SLC2A9: variants seen among roughly 807,000 people sequenced by gnomAD.
SLC2A9 encodes the protein solute carrier family 2 member 9.
SLC2A9 carries 39 observed loss-of-function variants against 50.6 expected under a neutral mutation model. The observed-to-expected ratio is 0.77, with a 90% CI of 0.60 to 1.01. SLC2A9 has a LOEUF of 1.01. Among genes scored for constraint, SLC2A9 ranks in the 50% least tolerant of loss-of-function variants. The pLI, the probability that SLC2A9 is intolerant of heterozygous loss-of-function variation, is 0.00. For missense variants in SLC2A9, 686 were observed against 677.6 expected (o/e 1.01, Z -0.14); for synonymous variants, 324 against 276.9 (o/e 1.17, Z -1.69).
intron 3 of SLC2A9, among the ~76,000 whole-genome samples, chr4:9,787,568 CTCTCA>C (rs990665020): frequency 3.9e-5 from 6 of 152,322 alleles, no homozygotes; most frequent in Non-Finnish European, 5.9e-5. Flanking sequence ...ACAGGGAATT[CTCTCA>C]TCTCATCTAC....
intron 6 of SLC2A9, among the ~76,000 whole-genome samples, chr4:9,921,036 G>A (rs929099475): frequency 6.6e-6 from 1 of 152,186 alleles, no homozygotes; most frequent in African/African-American, 2.4e-5. Flanking sequence ...CTGTTTGCCT[G>A]GCTCATGAGT....
intron 11 of SLC2A9, among the ~76,000 whole-genome samples, chr4:9,832,817 C>T (rs186527814): frequency 6.6e-6 from 1 of 152,260 alleles, no homozygotes; most frequent in East Asian, 1.9e-4. Context: ...AGCGGTGGAG[C>T]ACTCTGGGCA....
intron 5 of SLC2A9, among the ~76,000 whole-genome samples, chr4:9,965,003 A>C (rs1638885182): frequency 6.6e-6 from 1 of 152,244 alleles, no homozygotes; most frequent in Admixed American, 6.5e-5. Context: ...ATCTTTTCTA[A>C]GTACTGCCAC....
At chr4:10,006,618 G>C (rs13117275) in intron 2 of SLC2A9, 9,434 of 152,140 alleles carry the variant, frequency 0.062, 627 homozygotes, top group East Asian at 0.39. Flanking sequence ...GGCTCCCCGA[G>C]GTAAGGCCTC....
chr4:9,931,956 CTCTCTCTATA>C (rs1426130337), intron 6 of SLC2A9, among the ~76,000 whole-genome samples: 1 of 43,312 alleles, frequency 2.3e-5, no homozygotes, highest in African/African-American at 1.2e-4. Context: ...CTCTCTCTCT[CTCTCTCTATA>C]TATATATATA....
At chr4:9,941,204 C>T (rs1334696088) in intron 6 of SLC2A9, among the ~76,000 whole-genome samples, 2 of 152,158 alleles carry the variant, frequency 1.3e-5, no homozygotes, top group Non-Finnish European at 2.9e-5. Flanking sequence ...TATCTCTAGG[C>T]AACATAATTT....
intron 5 of SLC2A9, among the ~76,000 whole-genome samples, chr4:9,975,800 T>C (rs1578152306): frequency 6.6e-6 from 1 of 152,254 alleles, no homozygotes; most frequent in Non-Finnish European, 1.5e-5. Context: ...TGCACTCATA[T>C]GTTCATGGCA....
intron 2 of SLC2A9, among the ~76,000 whole-genome samples, chr4:9,998,191 G>C (rs1759072581): frequency 6.6e-6 from 1 of 152,178 alleles, no homozygotes; most frequent in Non-Finnish European, 1.5e-5. Context: ...ATGGCACTAA[G>C]CTCCAAACAG....
chr4:9,996,026 A>G (rs536855041), intron 3 of SLC2A9: 1 of 152,836 alleles, frequency 6.5e-6, no homozygotes, highest in South Asian at 2.1e-4. Flanking sequence ...GGATTCATTG[A>G]TAAGTCAATC....
At chr4:9,925,130 A>G (rs1327960366) in intron 6 of SLC2A9, among the ~76,000 whole-genome samples, 1 of 152,134 alleles carries the variant, frequency 6.6e-6, no homozygotes, top group African/African-American at 2.4e-5. Context: ...CTCGTCCTCC[A>G]TTCCACATAC....
intron 10 of SLC2A9, chr4:9,880,686 A>C (rs1185426336): frequency 2.4e-6 from 1 of 415,244 alleles, no homozygotes; most frequent in Non-Finnish European, 3.2e-6. Flanking sequence ...TACAATGCTG[A>C]CATTTACCGT....
chr4:9,836,861 G>T (rs1727194942), intron 10 of SLC2A9, among the ~76,000 whole-genome samples: 1 of 152,166 alleles, frequency 6.6e-6, no homozygotes, highest in Non-Finnish European at 1.5e-5. Context: ...GAAAGGAAGG[G>T]TCTGAATTTG....
chr4:9,954,289 C>T (rs1241905009), intron 5 of SLC2A9, among the ~76,000 whole-genome samples: 1 of 152,276 alleles, frequency 6.6e-6, no homozygotes. Context: ...GTTACCATTT[C>T]ACACAGCCCA....
chr4:9,800,731 T>A (rs76685428), intron 3 of SLC2A9, among the ~76,000 whole-genome samples: 53 of 152,200 alleles, frequency 3.5e-4, no homozygotes, highest in Non-Finnish European at 6.3e-4. Context: ...TATTTACACA[T>A]AGCATTTACA....
Position 10,038,606 on chromosome 4 carries a change from A to T in SLC2A9, c.-41+1524T>A, listed in dbSNP as rs564398195. Among the ~76,000 whole-genome samples, 23 of 152,274 alleles carry T rather than the reference A, an allele frequency of 1.5e-4. No individual in the cohort carries two copies. In the South Asian group the frequency reaches 4.8e-3, roughly 32 times the overall value. On this transcript the variant is annotated intron_variant, in intron 1 of 12. Transcript: ENST00000309065. ...TCTATCACTTGGATTCTTCCATTAA[A>T]ATAGATTTCAATCAATGGAACTACT...
chr4:9,820,963 T>C (rs951304553), intron 3 of SLC2A9, among the ~76,000 whole-genome samples: 4 of 152,224 alleles, frequency 2.6e-5, no homozygotes, highest in African/African-American at 9.6e-5. Context: ...TCCAGTATGA[T>C]AGTGAATAGA....
intron 6 of SLC2A9, among the ~76,000 whole-genome samples, chr4:9,938,244 A>G (rs976759661): frequency 6.6e-6 from 1 of 151,498 alleles, no homozygotes; most frequent in Admixed American, 6.6e-5. Flanking sequence ...CTGTGTCTCC[A>G]ACCCATGGAT....
At chr4:9,798,452 T>C (rs1720869556), downstream of SLC2A9, among the ~76,000 whole-genome samples, 1 of 152,202 alleles carries the variant, frequency 6.6e-6, no homozygotes, top group South Asian at 2.1e-4. Context: ...TATAACCAAA[T>C]CATAGTAGCA....
At chr4:9,994,768 A>T (rs4428284) in intron 3 of SLC2A9, among the ~76,000 whole-genome samples, 125,310 of 151,646 alleles carry the variant, frequency 0.83, 51,923 homozygotes, top group East Asian at 0.98. Flanking sequence ...TTCCATCTGC[A>T]TGGGTTCAGA....
Sources: allele counts gnomAD v4.1 joint callset (sites outside exome capture counted in the v4.1 genomes callset), GRCh38; gene constraint gnomAD v4.1.1; transcripts MANE v1.5; gene names NCBI Gene and HGNC (gene_info 2026-07-23, HGNC 2026-07-21).